The following SAMD12 variants were observed in gnomAD, a reference collection of about 807,000 sequenced individuals.
SAMD12 encodes the protein sterile alpha motif domain-containing protein 12.
In SAMD12, 9 loss-of-function variants were observed where a neutral mutation model predicts 15.0. The ratio of observed to expected loss-of-function variants is 0.60; its 90% CI spans 0.36 to 1.05. The LOEUF is 1.05. Among genes scored for constraint, SAMD12 ranks in the 50% least tolerant of loss-of-function variants. The pLI is 0.01. For synonymous variants in SAMD12, 86 were observed against 90.1 expected (o/e 0.96, Z 0.25); for missense variants, 230 against 234.2 (o/e 0.98, Z 0.12).
intron 3 of SAMD12, among the ~76,000 whole-genome samples, chr8:118,387,482 T>C (rs1294483575): frequency 6.3e-5 from 2 of 31,972 alleles, no homozygotes; most frequent in Non-Finnish European, 1.0e-4. Context: ...CTCCTCATAA[T>C]TGTAATAATA....
intron 2 of SAMD12, among the ~76,000 whole-genome samples, chr8:118,548,384 T>TACACACAC (rs36228827): frequency 0.013 from 1,808 of 139,876 alleles, 11 homozygotes; most frequent in East Asian, 0.017. Flanking sequence ...AAAACACACA[T>TACACACAC]ACACACACAC....
At chr8:118,322,883 T>G (rs1816357501) in intron 4 of SAMD12, among the ~76,000 whole-genome samples, 1 of 45,660 alleles carries the variant, frequency 2.2e-5, no homozygotes, top group Non-Finnish European at 3.9e-5. Flanking sequence ...TTAAAAAAAA[T>G]TTAAAAATAT....
chr8:118,351,545 A>G (rs749359543), intron 4 of SAMD12, among the ~76,000 whole-genome samples: 4 of 152,196 alleles, frequency 2.6e-5, no homozygotes, highest in Non-Finnish European at 5.9e-5. Context: ...TGGTTTAACC[A>G]TTCACTAGTG....
chr8:118,259,471 C>A (rs1563719446), intron 4 of SAMD12, among the ~76,000 whole-genome samples: 1 of 152,002 alleles, frequency 6.6e-6, no homozygotes, highest in Non-Finnish European at 1.5e-5. Flanking sequence ...CAGGTCAGGT[C>A]CTCATAACAA....
In SAMD12 at chr8:118,493,188, C is replaced by A. The variant is rs193244645; in HGVS notation, c.193-53227G>T. Among the ~76,000 whole-genome samples, 14 of 152,292 alleles carry A rather than the reference C, an allele frequency of 9.2e-5. No individual in the cohort carries two copies. The East Asian group carries it at 2.7e-3, about 29-fold the overall frequency. ...AAAATAAAGAACATTTTCTTCCCAGCTGACCATATGAAAAACTTCAGGGTC... is the reference window on the plus strand; with the variant it reads ...AAAATAAAGAACATTTTCTTCCCAGATGACCATATGAAAAACTTCAGGGTC... On this transcript the variant is annotated intron_variant, in intron 2 of 3. Coordinates refer to ENST00000314727, the MANE Select transcript of SAMD12 (RefSeq NM_207506.3).
chr8:118,592,384 T>C (rs552615028), intron 1 of SAMD12, among the ~76,000 whole-genome samples: 5 of 152,190 alleles, frequency 3.3e-5, no homozygotes, highest in Non-Finnish European at 7.3e-5. Context: ...ATAAGATTTT[T>C]TTTTCCTCTG....
chr8:118,257,538 C>T (rs1005422240), intron 4 of SAMD12, among the ~76,000 whole-genome samples: 5 of 152,100 alleles, frequency 3.3e-5, no homozygotes, highest in South Asian at 2.1e-4. Context: ...CTCCTCCTTC[C>T]GTATGAAATG....
At chr8:118,592,556 ATAAT>A (rs767911874) in intron 1 of SAMD12, among the ~76,000 whole-genome samples, 2 of 151,260 alleles carry the variant, frequency 1.3e-5, no homozygotes, top group Admixed American at 6.5e-5. Context: ...ATATTTTAGA[ATAAT>A]TAAAGCATAT....
intron 3 of SAMD12, among the ~76,000 whole-genome samples, chr8:118,382,488 G>A (rs933260926): frequency 2.0e-5 from 3 of 152,190 alleles, no homozygotes; most frequent in African/African-American, 4.8e-5. Context: ...TGGATACATA[G>A]CCCTACTAGA....
At chr8:118,243,681 T>C (rs1425689978) in intron 4 of SAMD12, among the ~76,000 whole-genome samples, 3 of 152,080 alleles carry the variant, frequency 2.0e-5, no homozygotes, top group Non-Finnish European at 4.4e-5. Flanking sequence ...TACTTAAAAA[T>C]CCTGGAGATA....
At chr8:118,551,671 A>G (rs1826339250) in intron 2 of SAMD12, among the ~76,000 whole-genome samples, 1 of 150,788 alleles carries the variant, frequency 6.6e-6, no homozygotes, top group Non-Finnish European at 1.5e-5. Flanking sequence ...AGAAATAACT[A>G]AAATCAGAGC....
In SAMD12 at chr8:118,254,075, A is replaced by G. The variant is rs577019998; in HGVS notation, c.434-56343T>C. Among the ~76,000 whole-genome samples, 4 of 152,268 alleles carry G rather than the reference A, an allele frequency of 2.6e-5. No homozygotes were observed. In the East Asian group the frequency reaches 7.7e-4, roughly 29 times the overall value. On this transcript the variant is annotated intron_variant, in intron 4 of 4. Coordinates refer to the SAMD12 transcript ENST00000409003. ...ATAACAATAATAATACTTAAACCAT[A>G]GGCTCCTTCAAGCAAAGCAGATTTC...
chr8:118,549,331 A>G (rs1433846080), intron 2 of SAMD12, among the ~76,000 whole-genome samples: 1 of 152,200 alleles, frequency 6.6e-6, no homozygotes, highest in Non-Finnish European at 1.5e-5. Flanking sequence ...TCTGAGACAA[A>G]ACTTCCAGAG....
intron 3 of SAMD12, among the ~76,000 whole-genome samples, chr8:118,409,113 G>T (rs1024313989): frequency 6.6e-6 from 1 of 152,054 alleles, no homozygotes; most frequent in East Asian, 1.9e-4. Flanking sequence ...TAATATCCAA[G>T]AAATCAAGAT....
intron 2 of SAMD12, among the ~76,000 whole-genome samples, chr8:118,542,949 C>T (rs928359722): frequency 6.8e-6 from 1 of 147,814 alleles, no homozygotes; most frequent in African/African-American, 2.5e-5. Context: ...AGGAAGCCAA[C>T]ATAGACATAA....
intron 4 of SAMD12, among the ~76,000 whole-genome samples, chr8:118,253,442 T>C (rs1812864423): frequency 6.6e-6 from 1 of 152,234 alleles, no homozygotes; most frequent in Middle Eastern, 3.2e-3. Context: ...TGCTATGTAC[T>C]GTTATGTTTA....
rs1412477506 is a variant in SAMD12 at position 118,214,006 on chromosome 8, A to T, written c.434-16274T>A. On this transcript the variant is annotated intron_variant, in intron 4 of 4. Coordinates refer to the SAMD12 transcript ENST00000409003. ...TTCCCATAAACACACAAGGTCTTGT[A>T]CCCTACTTGGAAATTGAGAGTAGAG... Among the ~76,000 whole-genome samples, 3 of 152,208 alleles carry T rather than the reference A, an allele frequency of 2.0e-5. No homozygotes were observed. The East Asian group carries it at 5.8e-4, about 29-fold the overall frequency.
intron 4 of SAMD12, among the ~76,000 whole-genome samples, chr8:118,300,661 G>C (rs1339695957): frequency 6.6e-6 from 1 of 152,200 alleles, no homozygotes; most frequent in African/African-American, 2.4e-5. Flanking sequence ...TACCAGATCA[G>C]TGGCTCAGCA....
chr8:118,187,133 C>T (rs1168062344), downstream of SAMD12, among the ~76,000 whole-genome samples: 1 of 152,108 alleles, frequency 6.6e-6, no homozygotes. Context: ...TTCAACTTCT[C>T]GTGAGAAAGG....
Sources: gnomAD v4.1 joint callset for allele counts (sites outside exome capture counted in the v4.1 genomes callset) on GRCh38, gnomAD v4.1.1 for gene constraint, MANE v1.5 for transcripts, NCBI Gene and HGNC (gene_info 2026-07-23, HGNC 2026-07-21) for gene names.